Variants in CSMD1 observed in about 807,000 individuals in gnomAD.
CSMD1 encodes the protein CUB and Sushi multiple domains 1.
CSMD1 carries 213 observed loss-of-function variants against 417.5 expected under a neutral mutation model. The ratio of observed to expected loss-of-function variants is 0.51; its 90% CI spans 0.46 to 0.57. CSMD1 has a LOEUF of 0.57. CSMD1 is among the 20% of genes least tolerant of loss of function. CSMD1 has a pLI of 0.00. For synonymous variants in CSMD1, 2,862 were observed against 1,736.8 expected (o/e 1.65, Z -16.11); for missense variants, 6,923 against 4,529.7 (o/e 1.53, Z -15.17).
chr8:3,176,515 A>G (rs1585561357), intron 37 of CSMD1, among the ~76,000 whole-genome samples: 2 of 152,166 alleles, frequency 1.3e-5, no homozygotes, highest in South Asian at 4.1e-4. Flanking sequence ...TCAAACCCCT[A>G]AGACCCTTAA....
intron 5 of CSMD1, among the ~76,000 whole-genome samples, chr8:3,929,121 A>T (rs370075488): frequency 6.7e-6 from 1 of 150,364 alleles, no homozygotes; most frequent in East Asian, 1.9e-4. Context: ...GAAACTCTGC[A>T]CATAAGCAAG....
At chr8:4,649,287 T>A (rs979002381) in intron 1 of CSMD1, among the ~76,000 whole-genome samples, 2 of 152,234 alleles carry the variant, frequency 1.3e-5, no homozygotes, top group African/African-American at 4.8e-5. Context: ...CTATTGTATC[T>A]GATAAAAGAT....
At chr8:4,320,004 G>T (rs764283725) in intron 3 of CSMD1, among the ~76,000 whole-genome samples, 63 of 152,090 alleles carry the variant, frequency 4.1e-4, no homozygotes, top group Non-Finnish European at 3.2e-4. Context: ...GGAGTATTGG[G>T]TTAAGTACTC....
At chr8:4,964,294 G>C (rs1809703111) in intron 1 of CSMD1, among the ~76,000 whole-genome samples, 1 of 151,706 alleles carries the variant, frequency 6.6e-6, no homozygotes, top group Non-Finnish European at 1.5e-5. Flanking sequence ...GGGGCAAATT[G>C]CTTAAGTCCC....
intron 3 of CSMD1, among the ~76,000 whole-genome samples, chr8:4,332,075 G>T (rs777157687): frequency 2.0e-5 from 3 of 152,038 alleles, no homozygotes; most frequent in African/African-American, 7.2e-5. Flanking sequence ...TGGCTCCACT[G>T]AATCATCTAT....
intron 26 of CSMD1, among the ~76,000 whole-genome samples, chr8:3,276,447 G>C (rs979787034): frequency 1.3e-5 from 2 of 152,150 alleles, no homozygotes; most frequent in Non-Finnish European, 2.9e-5. Flanking sequence ...CTTACATGGT[G>C]GCAGAGAAGA....
At chr8:3,681,043 C>A (rs201729182) in intron 7 of CSMD1, among the ~76,000 whole-genome samples, 147 of 152,162 alleles carry the variant, frequency 9.7e-4, no homozygotes, top group African/African-American at 3.4e-3. Context: ...GTATCTCAAA[C>A]TAATAAGAGC....
At chr8:4,543,962 C>T (rs991001177) in intron 2 of CSMD1, among the ~76,000 whole-genome samples, 1 of 152,026 alleles carries the variant, frequency 6.6e-6, no homozygotes, top group African/African-American at 2.4e-5. Flanking sequence ...GGTCTTTAGC[C>T]CATTTATTAG....
At chr8:3,444,564 G>T (rs560391250) in intron 12 of CSMD1, among the ~76,000 whole-genome samples, 2 of 152,082 alleles carry the variant, frequency 1.3e-5, no homozygotes, top group African/African-American at 4.8e-5. Flanking sequence ...TGAGGGTGAG[G>T]ATGCTACTGG....
chr8:3,072,810 G>T (rs901068449), intron 49 of CSMD1, among the ~76,000 whole-genome samples: 1 of 152,086 alleles, frequency 6.6e-6, no homozygotes, highest in African/African-American at 2.4e-5. Context: ...CTGAATACTG[G>T]TCGATGTATA....
rs377211493 is a variant in CSMD1, at chr8:3,309,306, G to T, written c.3632-803C>A. The stretch of plus-strand genomic sequence containing the variant: ...GACAACTTCTTCCAAACTCCAAGAT[G>T]TCAACTTCATGGGAAAAGAAAAAAA... On this transcript the variant is annotated intron_variant, in intron 23 of 69. Transcript: ENST00000635120. Among the ~76,000 whole-genome samples the T allele has an allele frequency of 2.0e-5, 3 of 151,184 alleles. No homozygotes were observed. In the East Asian group the frequency reaches 5.9e-4, roughly 30 times the overall value.
chr8:4,470,620 C>T (rs1467521485), intron 2 of CSMD1, among the ~76,000 whole-genome samples: 1 of 152,170 alleles, frequency 6.6e-6, no homozygotes, highest in Non-Finnish European at 1.5e-5. Flanking sequence ...TCATAAATGG[C>T]TTTCCTGTAC....
At chr8:4,827,391 C>T (rs1010626038) in intron 1 of CSMD1, among the ~76,000 whole-genome samples, 3 of 152,118 alleles carry the variant, frequency 2.0e-5, no homozygotes, top group Admixed American at 1.3e-4. Flanking sequence ...TTACCTTCCT[C>T]GACTTCAAAG....
At chr8:4,765,548 A>T (rs936966876) in intron 1 of CSMD1, among the ~76,000 whole-genome samples, 2 of 152,238 alleles carry the variant, frequency 1.3e-5, no homozygotes, top group Non-Finnish European at 2.9e-5. Flanking sequence ...AGAAATGGAA[A>T]TAACTCACTA....
intron 3 of CSMD1, among the ~76,000 whole-genome samples, chr8:4,252,726 G>C (rs554289610): frequency 6.6e-6 from 1 of 152,338 alleles, no homozygotes; most frequent in South Asian, 2.1e-4. Context: ...TGGTTGTACA[G>C]GAATTATGAG....
At chr8:3,000,988 CT>C (rs111647151) in intron 52 of CSMD1, among the ~76,000 whole-genome samples, 28,410 of 145,456 alleles carry the variant, frequency 0.2, 4,974 homozygotes, top group African/African-American at 0.48. Flanking sequence ...CATTTTTTTT[CT>C]TTTTTTTTTT....
intron 51 of CSMD1, among the ~76,000 whole-genome samples, chr8:3,023,464 G>C (rs772808479): frequency 6.6e-6 from 1 of 152,162 alleles, no homozygotes; most frequent in Non-Finnish European, 1.5e-5. Context: ...CTTTGTGCTA[G>C]GAAGGTGTGT....
intron 42 of CSMD1, among the ~76,000 whole-genome samples, chr8:3,114,848 TAAAATTGTTTTCTGCTTAC>T (rs1027992717): frequency 6.6e-6 from 1 of 152,126 alleles, no homozygotes; most frequent in Non-Finnish European, 1.5e-5. Context: ...AATTTTGCAA[TAAAATTGTTTTCTGCTTAC>T]AAAATCTGTC....
chr8:3,316,250 C>G (rs1184908438), intron 23 of CSMD1, among the ~76,000 whole-genome samples: 2 of 152,128 alleles, frequency 1.3e-5, no homozygotes, highest in Non-Finnish European at 2.9e-5. Context: ...TGTAACATCA[C>G]CATGTGCCCT....
Sources: allele counts gnomAD v4.1 joint callset (sites outside exome capture counted in the v4.1 genomes callset), GRCh38; gene constraint gnomAD v4.1.1; transcripts MANE v1.5; gene names NCBI Gene and HGNC (gene_info 2026-07-23, HGNC 2026-07-21).